The following CHL1 variants were observed in gnomAD, a reference collection of about 807,000 sequenced individuals.
The protein encoded by CHL1 is cell adhesion molecule L1 like.
Under a neutral mutation model 141.9 loss-of-function variants are expected in CHL1, and 96 were observed. The observed-to-expected ratio is 0.68, with a 90% CI of 0.57 to 0.80. CHL1 has a LOEUF of 0.80. Among genes scored for constraint, CHL1 ranks in the 30% least tolerant of loss-of-function variants. CHL1 has a pLI of 0.00. For synonymous variants in CHL1, 613 were observed against 502.2 expected, an observed-to-expected ratio of 1.22 and a Z score of -2.95; for missense variants, 1,820 against 1,457.2, an observed-to-expected ratio of 1.25 and a Z score of -4.05.
intron 5 of CHL1, among the ~76,000 whole-genome samples, chr3:336,253 C>T (rs1368641880): frequency 2.0e-5 from 3 of 152,098 alleles, no homozygotes; most frequent in Admixed American, 2.0e-4. Flanking sequence ...TACTAGATTA[C>T]AGTATCATCT....
rs73105063 is a variant in CHL1, at chr3:393,316, G to C, written c.2915-1377G>C. Among the ~76,000 whole-genome samples, 1,096 of 150,560 alleles carry C rather than the reference G, an allele frequency of 7.3e-3. 12 individuals are homozygous for C. Among genetic ancestry groups the C allele is most frequent in the African/African-American group, 0.025 (1,039 of 41,284 alleles). On this transcript the variant is annotated intron_variant, in intron 23 of 27. Transcript: ENST00000256509. ...AGCTCTTAACCTTATATTAGTCGATGAACTGGTTTTCAAAAAAATTGTAAG... is the reference window on the plus strand; with the variant it reads ...AGCTCTTAACCTTATATTAGTCGATCAACTGGTTTTCAAAAAAATTGTAAG...
chr3:344,766 A>T, intron 9 of CHL1, 57 bp downstream of exon 9: 2 of 1,530,876 alleles, frequency 1.3e-6, no homozygotes, highest in South Asian at 2.3e-5. Context: ...AAAGAATAAG[A>T]CATCAAGCAC....
intron 26 of CHL1, among the ~76,000 whole-genome samples, chr3:400,586 CT>C (rs11374109): frequency 2.9e-5 from 4 of 139,538 alleles, no homozygotes; most frequent in Non-Finnish European, 6.1e-5. Context: ...TATTTGAGGG[CT>C]TTTTTTTTTT....
intron 1 of CHL1, among the ~76,000 whole-genome samples, chr3:220,300 C>A (rs1269105428): frequency 6.6e-6 from 1 of 152,116 alleles, no homozygotes; most frequent in East Asian, 1.9e-4. Context: ...CTTCAATGAT[C>A]TGATTTTAAA....
chr3:241,398 G>T (rs1692544068), intron 1 of CHL1, among the ~76,000 whole-genome samples: 1 of 152,270 alleles, frequency 6.6e-6, no homozygotes, highest in East Asian at 1.9e-4. Context: ...TGAAATATTA[G>T]ATAACTTCAG....
At chr3:380,350 G>A (rs1367064252) in intron 16 of CHL1, among the ~76,000 whole-genome samples, 2 of 152,074 alleles carry the variant, frequency 1.3e-5, no homozygotes, top group Non-Finnish European at 2.9e-5. Context: ...AGCAATGGAC[G>A]GTGCTTTCCA....
At chr3:326,209 CAA>C (rs34362207) in intron 4 of CHL1, 145 bp downstream of exon 4, 4 of 456,868 alleles carry the variant, frequency 8.8e-6, no homozygotes, top group Non-Finnish European at 1.2e-5. Flanking sequence ...TCCATGCAAA[CAA>C]AAAAAAAATT....
chr3:197,905 G>T lies in CHL1; in HGVS notation c.-175+842G>T, dbSNP rs559352233. 258 of 425,494 alleles carry T rather than the reference G, an allele frequency of 6.1e-4. 1 individual carries two copies. Among genetic ancestry groups the T allele is most frequent in the African/African-American group, 5.1e-3 (238 of 46,588 alleles). The allele number at this position is 425,494 out of a possible 1,614,324, so 26.4% of individuals were successfully genotyped here. A position where few individuals can be genotyped will look rare whatever the true frequency, so the allele number is the denominator to read the frequency against. On this transcript the variant is annotated intron_variant, in intron 1 of 27. Transcript: ENST00000256509. ...TTTTTTTTGGAGTGTGAGTGTGCGT[G>T]GGGAGGCAGCACGGAGAAAGTGATT...
intron 10 of CHL1, among the ~76,000 whole-genome samples, chr3:353,319 T>C (rs1318687038): frequency 6.6e-6 from 1 of 152,210 alleles, no homozygotes; most frequent in Non-Finnish European, 1.5e-5. Context: ...AACTTACAGA[T>C]ATTTAGTTTT....
In CHL1 at chr3:369,202, G is replaced by A. The variant is rs149320565; in HGVS notation, c.1751+3087G>A. Among the ~76,000 whole-genome samples, 1,069 of 151,298 alleles carry A rather than the reference G, an allele frequency of 7.1e-3. 14 individuals carry two copies. The highest frequency in any genetic ancestry group is 0.025 in the African/African-American group (1,016 of 41,312). On this transcript the variant is annotated intron_variant, in intron 15 of 27. Coordinates refer to ENST00000256509, the MANE Select transcript of CHL1 (RefSeq NM_006614.4). ...TACTTTGGGCAGTGTGGCCATTTTC[G>A]TGATATTTATTCTTTGTATCCATGA...
intron 26 of CHL1, among the ~76,000 whole-genome samples, chr3:400,562 G>C (rs6794418): frequency 6.8e-6 from 1 of 147,876 alleles, no homozygotes; most frequent in African/African-American, 2.5e-5. Context: ...AAATGTTCCA[G>C]GAAGAACAAT....
intron 2 of CHL1, among the ~76,000 whole-genome samples, chr3:319,480 A>G (rs913737185): frequency 5.3e-5 from 8 of 151,756 alleles, no homozygotes; most frequent in Non-Finnish European, 1.0e-4. Flanking sequence ...GTGGTTTACA[A>G]TAGAGTATAT....
At chr3:258,416 A>G (rs1694381730) in intron 2 of CHL1, among the ~76,000 whole-genome samples, 5 of 152,202 alleles carry the variant, frequency 3.3e-5, no homozygotes, top group African/African-American at 7.2e-5. Flanking sequence ...GGGGCTTTCA[A>G]GTCCAAGCTT....
chr3:323,759 A>T (rs1000701521), intron 3 of CHL1, among the ~76,000 whole-genome samples: 1 of 152,092 alleles, frequency 6.6e-6, no homozygotes, highest in Non-Finnish European at 1.5e-5. Context: ...TAGCCACTCG[A>T]AAGGCTGAGG....
At chr3:324,441 T>C (rs957645391) in intron 3 of CHL1, among the ~76,000 whole-genome samples, 2 of 152,054 alleles carry the variant, frequency 1.3e-5, no homozygotes, top group Non-Finnish European at 2.9e-5. Flanking sequence ...TGAAAAATAT[T>C]GAGTGCTCAT....
rs752000133 is a variant in CHL1, at chr3:382,235, C to T, written c.1933C>T (p.Arg645Trp). 17 of 1,613,576 alleles carry T rather than the reference C, an allele frequency of 1.1e-5. No homozygotes were observed. In the East Asian group the frequency reaches 1.1e-4, roughly 11 times the overall value. ...HLSERQNRSV[R>W]LTWEAGADHN... ...GTCTGAAAGACAGAACAGGAGTGTT[C>T]GGCTGACCTGGGAAGCTGGAGCTGA... Residue 645 changes from arginine to tryptophan, a missense_variant, in exon 17 of 28, where the codon CGG becomes TGG. Transcript: ENST00000256509.
At position 385,212 on chromosome 3, in the gene CHL1, T is replaced by C. The variant is rs1235966784; in HGVS notation, c.2247+1326T>C. On this transcript the variant is annotated intron_variant, in intron 19 of 27. Coordinates refer to ENST00000256509, the MANE Select transcript of CHL1 (RefSeq NM_006614.4). ...AAAGTAGATAATATAGTTGGTTAGA[T>C]ATCAGTAATACTGTGTATTTGCCAG... Among the ~76,000 whole-genome samples the C allele has an allele frequency of 2.6e-5, 4 of 152,194 alleles. No homozygotes were observed. The South Asian group carries it at 8.3e-4, about 32-fold the overall frequency.
intron 2 of CHL1, among the ~76,000 whole-genome samples, chr3:252,361 GATATATATATATATATATAT>G (rs71058760): frequency 1.2e-3 from 66 of 54,290 alleles, no homozygotes; most frequent in East Asian, 2.0e-3. Flanking sequence ...AAAGCATCCA[GATATATATATATATATATAT>G]ATATATATAT....
chr3:230,521 G>C (rs1701768575), intron 1 of CHL1, among the ~76,000 whole-genome samples: 1 of 150,738 alleles, frequency 6.6e-6, no homozygotes, highest in South Asian at 2.1e-4. Context: ...TTTTGACAGA[G>C]TGATTGGGTT....
Sources: gnomAD v4.1 joint callset for allele counts (sites outside exome capture counted in the v4.1 genomes callset) on GRCh38, gnomAD v4.1.1 for gene constraint, MANE v1.5 for transcripts, NCBI Gene and HGNC (gene_info 2026-07-23, HGNC 2026-07-21) for gene names.